The following SLC49A4 variants were observed in gnomAD, a reference collection of about 807,000 sequenced individuals.
SLC49A4 encodes disrupted in renal cancer protein 2.
SLC49A4 carries 36 observed loss-of-function variants against 50.6 expected under a neutral mutation model. The ratio of observed to expected loss-of-function variants is 0.71; its 90% CI spans 0.55 to 0.94. The LOEUF (loss-of-function observed/expected upper bound fraction) is 0.94. SLC49A4 is among the 40% of genes least tolerant of loss of function. The pLI is 0.00. For synonymous variants in SLC49A4, 248 were observed against 241.2 expected (o/e 1.03, Z -0.26); for missense variants, 503 against 605.7 (o/e 0.83, Z 1.78).
At chr3:122,805,974 G>GA (rs1317333558) in intron 1 of SLC49A4, among the ~76,000 whole-genome samples, 2 of 151,886 alleles carry the variant, frequency 1.3e-5, no homozygotes, top group East Asian at 3.9e-4. Flanking sequence ...GATAAATCAA[G>GA]AAAAAAATAA....
chr3:122,804,313 A>G (rs1467899180), intron 1 of SLC49A4, among the ~76,000 whole-genome samples: 2 of 152,218 alleles, frequency 1.3e-5, no homozygotes, highest in Non-Finnish European at 2.9e-5. Context: ...GGGATGGCCC[A>G]AGCCATTCAT....
rs1262119848 is a variant in SLC49A4, at chr3:122,879,341, A to G, written c.1400A>G (p.Tyr467Cys). ...LLLILCFRES[Y>C]DRLYLDVVVS... is the part of the protein sequence containing the mutation. Reference sequence around the variant, plus strand: ...CTCATTCTGTGCTTCAGGGAATCCTATGACAGACTCTATCTTGATGTGGTT... The same window carrying G: ...CTCATTCTGTGCTTCAGGGAATCCTGTGACAGACTCTATCTTGATGTGGTT... The change falls in exon 9 of 9, where the codon TAT becomes TGT. Residue 467 changes from tyrosine (Y) to cysteine (C), a missense_variant. Physicochemically the swap from Tyr to Cys is radical, Grantham distance 194. Transcript: ENST00000261038. 8 of 1,613,854 alleles carry G rather than the reference A, an allele frequency of 5.0e-6. No individual in the cohort carries two copies. Among genetic ancestry groups the G allele is most frequent in the Non-Finnish European group, 5.1e-6 (6 of 1,179,914 alleles).
Position 122,855,794 on chromosome 3 carries a change from CAGTT to C in SLC49A4, c.943-509_943-506del, listed in dbSNP as rs200178140. Among the ~76,000 whole-genome samples, 1,275 of 152,288 alleles carry C rather than the reference CAGTT, an allele frequency of 8.4e-3. 13 individuals are homozygous for C. Among genetic ancestry groups the C allele is most frequent in the African/African-American group, 0.029 (1,215 of 41,544 alleles). ...AAGGCATAATTTGCTCAGAGTCACA[CAGTT>C]AGTAAATGACAGGGCTGGAAATGTT... On this transcript the variant is annotated intron_variant, in intron 5 of 8. Transcript: ENST00000261038.
At chr3:122,833,936 T>C (rs1202989276) in intron 4 of SLC49A4, among the ~76,000 whole-genome samples, 5 of 152,158 alleles carry the variant, frequency 3.3e-5, no homozygotes, top group Non-Finnish European at 7.4e-5. Context: ...GTACGAGCAG[T>C]AGGATCATAC....
chr3:122,878,051 T>C (rs529149019), intron 8 of SLC49A4, among the ~76,000 whole-genome samples: 2 of 152,238 alleles, frequency 1.3e-5, no homozygotes, highest in Non-Finnish European at 2.9e-5. Context: ...TGCAGCACCT[T>C]TTCTTGCCAG....
chr3:122,820,691 C>A (rs1056482021), intron 2 of SLC49A4, among the ~76,000 whole-genome samples: 6 of 152,230 alleles, frequency 3.9e-5, no homozygotes, highest in South Asian at 2.1e-4. Flanking sequence ...ATCCCACGCA[C>A]CCCTGCAGGC....
chr3:122,841,176 A>G (rs1261379411), intron 4 of SLC49A4, among the ~76,000 whole-genome samples: 2 of 152,190 alleles, frequency 1.3e-5, no homozygotes, highest in Non-Finnish European at 2.9e-5. Flanking sequence ...AACGTCTATA[A>G]AATTGACCAT....
At chr3:122,852,310 A>C (rs1936937032) in intron 5 of SLC49A4, among the ~76,000 whole-genome samples, 1 of 151,950 alleles carries the variant, frequency 6.6e-6, no homozygotes, top group African/African-American at 2.4e-5. Context: ...GTTCTTTTTT[A>C]TAGTTGACAG....
chr3:122,859,955 A>T (rs1248052181), intron 6 of SLC49A4, 120 bp from the exon 7 acceptor site: 11 of 944,982 alleles, frequency 1.2e-5, no homozygotes, highest in African/African-American at 1.7e-5. Context: ...AAAACACTGA[A>T]AACTGTCTTT....
intron 1 of SLC49A4, among the ~76,000 whole-genome samples, chr3:122,801,485 G>A (rs1390377700): frequency 2.0e-5 from 3 of 152,144 alleles, no homozygotes; most frequent in Non-Finnish European, 2.9e-5. Flanking sequence ...CCAGCTACTC[G>A]GGAGGCTGAG....
intron 1 of SLC49A4, among the ~76,000 whole-genome samples, chr3:122,799,751 G>A (rs1936104518): frequency 6.6e-6 from 1 of 152,224 alleles, no homozygotes; most frequent in South Asian, 2.1e-4. Flanking sequence ...TAGTAGTGGA[G>A]GATTTGAGAA....
At chr3:122,868,873 G>A (rs558519941) in intron 7 of SLC49A4, among the ~76,000 whole-genome samples, 107 of 152,322 alleles carry the variant, frequency 7.0e-4, no homozygotes, top group African/African-American at 2.3e-3. Context: ...ACTGGCCTCT[G>A]AAGTTATATC....
chr3:122,831,414 A>G (rs1936607275), intron 3 of SLC49A4, among the ~76,000 whole-genome samples: 1 of 152,148 alleles, frequency 6.6e-6, no homozygotes, highest in South Asian at 2.1e-4. Context: ...ATATCTGTGC[A>G]ATGGAATATT....
rs373137717 is a variant in SLC49A4 at position 122,871,964 on chromosome 3, CATA to C, written c.1139-448_1139-446del. Among the ~76,000 whole-genome samples, 800 of 152,246 alleles carry C rather than the reference CATA, an allele frequency of 5.3e-3. 9 individuals are homozygous for C. Among genetic ancestry groups the C allele is most frequent in the African/African-American group, 0.018 (765 of 41,550 alleles). ...GTGTTTCTCAAGAAATTACATACTG[CATA>C]ATGTTTATTTTGTGCTTGAAAGCAA... On this transcript the variant is annotated intron_variant, in intron 7 of 8. Transcript: ENST00000261038.
At chr3:122,805,637 T>G (rs895967587) in intron 1 of SLC49A4, among the ~76,000 whole-genome samples, 1 of 152,240 alleles carries the variant, frequency 6.6e-6, no homozygotes, top group Admixed American at 6.5e-5. Context: ...AGACTTTGTA[T>G]GAACCACCTG....
Position 122,838,408 on chromosome 3 carries a change from G to C in SLC49A4, c.833+4962G>C, listed in dbSNP as rs561204242. ...ATGATGAGTTCATGTCCTTTGTAGG[G>C]ACATGGATGAAGCTGGAAACCATCA... On this transcript the variant is annotated intron_variant, in intron 4 of 8. Transcript: ENST00000261038. 3.0e-4 allele frequency among the ~76,000 whole-genome samples: 46 copies of C among 152,174 alleles called. 1 individual carries two copies. In the South Asian group the frequency reaches 8.9e-3, roughly 30 times the overall value.
chr3:122,820,221 G>T (rs1373922362), intron 2 of SLC49A4, among the ~76,000 whole-genome samples: 1 of 152,216 alleles, frequency 6.6e-6, no homozygotes, highest in Non-Finnish European at 1.5e-5. Context: ...ATGGGATCAT[G>T]TGAGAGAGTA....
chr3:122,866,618 A>G (rs545438309), intron 7 of SLC49A4, among the ~76,000 whole-genome samples: 1 of 152,306 alleles, frequency 6.6e-6, no homozygotes, highest in South Asian at 2.1e-4. Flanking sequence ...CTTGCAGAGA[A>G]CAAGTCAACT....
At chr3:122,870,436 C>T (rs188283769) in intron 7 of SLC49A4, among the ~76,000 whole-genome samples, 12 of 150,786 alleles carry the variant, frequency 8.0e-5, no homozygotes, top group Admixed American at 2.6e-4. Context: ...AGGCTGGTCT[C>T]GAACTCCTGG....
Sources: allele counts gnomAD v4.1 joint callset (sites outside exome capture counted in the v4.1 genomes callset), GRCh38; gene constraint gnomAD v4.1.1; transcripts MANE v1.5; gene names NCBI Gene and HGNC (gene_info 2026-07-23, HGNC 2026-07-21).